POGZ: variants seen among roughly 807,000 people sequenced by gnomAD.
POGZ encodes the protein pogo transposable element with ZNF domain.
Under a neutral mutation model 134.6 loss-of-function variants are expected in POGZ, and 17 were observed. The ratio of observed to expected loss-of-function variants is 0.13; its 90% confidence interval spans 0.09 to 0.19. The LOEUF (loss-of-function observed/expected upper bound fraction) is 0.19. POGZ is among the 10% of genes least tolerant of loss of function. The probability of loss-of-function intolerance (pLI) is 1.00; values close to 1 mark genes in which losing one functional copy is unlikely to be tolerated. For missense variants in POGZ, 1,306 were observed against 1,769.7 expected (o/e 0.74, Z 4.70); for synonymous variants, 693 against 657.1 (o/e 1.05, Z -0.84).
In POGZ at chr1:151,449,312, G is replaced by A. The variant is rs527970543; in HGVS notation, c.-1-7107C>T. 3.9e-5 allele frequency among the ~76,000 whole-genome samples: 6 copies of A among 152,234 alleles called. No homozygotes were observed. The South Asian group carries it at 6.2e-4, about 16-fold the overall frequency. On this transcript the variant is annotated intron_variant, in intron 1 of 18. Transcript: ENST00000271715. ...GACAGTGAATTTTATCAGAGGTCAC[G>A]TTTGCCCCCCAGAGGGCATTTGGCA...
rs2102370664 is a variant in POGZ, at chr1:151,442,119, A to G, written c.86T>C (p.Val29Ala). 1 of 1,606,788 alleles carries G rather than the reference A, an allele frequency of 6.2e-7. No homozygotes were observed. The highest frequency in any genetic ancestry group is 8.5e-7 in the Non-Finnish European group (1 of 1,173,330). The change falls in exon 2 of 19, where the codon GTA becomes GCA. Residue 29 changes from valine (V) to alanine (A), a missense_variant. Physicochemically the swap from Val to Ala is moderately conservative, Grantham distance 64. Transcript: ENST00000271715. Reference sequence around the variant, plus strand: ...ATCCACTGAATTATAATCTTCAACTACAGAGTCCTCAATGACATCACTGAT... The same window carrying G: ...ATCCACTGAATTATAATCTTCAACTGCAGAGTCCTCAATGACATCACTGAT... Reference protein sequence around the residue: ...QKISDVIEDSVVEDYNSVDKT... With the variant: ...QKISDVIEDSAVEDYNSVDKT...
chr1:151,447,033 T>G (rs1324980970), intron 1 of POGZ, among the ~76,000 whole-genome samples: 1 of 152,126 alleles, frequency 6.6e-6, no homozygotes, highest in Admixed American at 6.5e-5. Flanking sequence ...AAACATCATA[T>G]TCATAAATAT....
chr1:151,429,711 C>G lies in POGZ; in HGVS notation c.460G>C (p.Gly154Arg). ...ASQPIFITTQ[G>R]FPVRNVRPVQ... ...GGCCGGACATTCCTTACAGGAAATCCCTGTATTAAAAAGCAAAATGATCTT... is the reference window on the plus strand; with the variant it reads ...GGCCGGACATTCCTTACAGGAAATCGCTGTATTAAAAAGCAAAATGATCTT... The change falls in exon 5 of 19, where the codon GGA becomes CGA. Residue 154 changes from glycine to arginine, a missense_variant and splice_region_variant. By Grantham distance (125) the Gly-to-Arg change is moderately radical. Transcript: ENST00000271715. The G allele has an allele frequency of 6.3e-7, 1 of 1,599,348 alleles. No individual in the cohort carries two copies. The highest frequency in any genetic ancestry group is 1.1e-5 in the South Asian group (1 of 90,528).
intron 1 of POGZ, among the ~76,000 whole-genome samples, chr1:151,445,240 G>C (rs1321665391): frequency 6.6e-6 from 1 of 152,012 alleles, no homozygotes; most frequent in African/African-American, 2.4e-5. Flanking sequence ...AATCCAACTT[G>C]GCTGGACACA....
At chr1:151,442,388 A>C in intron 1 of POGZ, 183 bp from the exon 2 acceptor site, 1 of 448,258 alleles carries the variant, frequency 2.2e-6, no homozygotes, top group Non-Finnish European at 3.9e-6. Context: ...TGAATATTAG[A>C]ATCCATTCCA....
In POGZ at chr1:151,424,997, A is replaced by G. The variant is rs1657531214; in HGVS notation, c.1143T>C (p.Asn381=). Residue 381 remains asparagine (N), a synonymous_variant, in exon 8 of 19, where the codon AAT becomes AAC. Transcript: ENST00000271715. Reference sequence around the variant, plus strand: ...AAGCTTCAGTAACACGAAATTGAGCATTACATCGTGGACATATTTTCCGTC... The same window carrying G: ...AAGCTTCAGTAACACGAAATTGAGCGTTACATCGTGGACATATTTTCCGTC... ...DGGRKICPRC[N]AQFRVTEALR... is the part of the protein sequence containing the mutation. 1 of 1,599,210 alleles carries G rather than the reference A, an allele frequency of 6.3e-7. No homozygotes were observed. The highest frequency in any genetic ancestry group is 8.5e-7 in the Non-Finnish European group (1 of 1,169,936).
Position 151,404,135 on chromosome 1 carries a change from A to C in POGZ, c.*667T>G. ...CATGCATTTTTAAAGCCACAATTTT[A>C]TATCTAGGGTTGCTGTAGAAACCAA... On this transcript the variant is annotated 3_prime_UTR_variant, in exon 19 of 19. Transcript: ENST00000271715. 1.0e-6 allele frequency: 1 copy of C among 985,538 alleles called. No individual in the cohort carries two copies. The highest frequency in any genetic ancestry group is 1.2e-6 in the Non-Finnish European group (1 of 829,758). 61.0% of individuals were successfully genotyped at this position (985,538 alleles called of 1,614,324 possible).
Position 151,408,718 on chromosome 1 carries a change from CAGCTGCT to C in POGZ, c.2030_2036del (p.Lys677ArgfsTer4), listed in dbSNP as rs1327298467. 6.2e-7 allele frequency: 1 copy of C among 1,614,038 alleles called. No individual in the cohort carries two copies. Among genetic ancestry groups the C allele is most frequent in the East Asian group, 2.2e-5 (1 of 44,884 alleles). ...CCTTGGTGCCTGGTTTCAAGCCCTC[CAGCTGCT>C]TGGGTTTACGGAAGGTTTTATGGTG... On this transcript the variant is annotated frameshift_variant, in exon 13 of 19. Coordinates refer to ENST00000271715, the MANE Select transcript of POGZ (RefSeq NM_015100.4). LOFTEE classifies it high-confidence loss of function.
chr1:151,457,110 G>A (rs1239408419), intron 1 of POGZ, among the ~76,000 whole-genome samples: 1 of 152,186 alleles, frequency 6.6e-6, no homozygotes, highest in African/African-American at 2.4e-5. Context: ...TGGGTCATCT[G>A]TCCACACTTT....
intron 3 of POGZ, among the ~76,000 whole-genome samples, chr1:151,438,546 A>C (rs1660005593): frequency 6.6e-6 from 1 of 152,144 alleles, no homozygotes; most frequent in Admixed American, 6.6e-5. Context: ...ACATTCAAGG[A>C]GTCAAGGAGA....
chr1:151,422,790 C>A (rs903809793), intron 10 of POGZ, among the ~76,000 whole-genome samples: 1 of 152,164 alleles, frequency 6.6e-6, no homozygotes, highest in African/African-American at 2.4e-5. Flanking sequence ...TGGGGCTTCG[C>A]CATGTTGGCC....
intron 1 of POGZ, among the ~76,000 whole-genome samples, chr1:151,457,913 G>C (rs1180617400): frequency 7.0e-6 from 1 of 143,704 alleles, no homozygotes; most frequent in Non-Finnish European, 1.5e-5. Flanking sequence ...GGCGACAAGA[G>C]TGAAACTTCG....
intron 1 of POGZ, among the ~76,000 whole-genome samples, chr1:151,448,208 G>A (rs1327580099): frequency 6.6e-6 from 1 of 152,092 alleles, no homozygotes; most frequent in Non-Finnish European, 1.5e-5. Flanking sequence ...TACTTGAAAT[G>A]TTTGTCTTAT....
At chr1:151,442,918 A>G (rs940486384) in intron 1 of POGZ, among the ~76,000 whole-genome samples, 2 of 151,560 alleles carry the variant, frequency 1.3e-5, no homozygotes, top group Non-Finnish European at 2.9e-5. Flanking sequence ...AATCCCAGCT[A>G]CTTGGGAGGC....
rs747855562 is a variant in POGZ, at chr1:151,407,166, T to A, written c.2432+69A>T. 1.7e-4 allele frequency: 226 copies of A among 1,321,828 alleles called. 1 individual carries two copies. Among genetic ancestry groups the A allele is most frequent in the Admixed American group, 7.4e-4 (38 of 51,082 alleles). The allele number at this position is 1,321,828 out of a possible 1,614,324, so 81.9% of individuals were successfully genotyped here. A position where few individuals can be genotyped will look rare whatever the true frequency, so the allele number is the denominator to read the frequency against. On this transcript the variant is annotated intron_variant, in intron 16 of 18. Transcript: ENST00000271715. Reference sequence around the variant, plus strand: ...TAATTCACATAACCACCTCTCCAAATAATGAAAAACCTGAAAATTAATGTA... The same window carrying A: ...TAATTCACATAACCACCTCTCCAAAAAATGAAAAACCTGAAAATTAATGTA...
chr1:151,446,365 G>C (rs1187273903), intron 1 of POGZ, among the ~76,000 whole-genome samples: 1 of 151,644 alleles, frequency 6.6e-6, no homozygotes, highest in Non-Finnish European at 1.5e-5. Context: ...AATCCTTAAG[G>C]GGCATTTTAA....
intron 10 of POGZ, among the ~76,000 whole-genome samples, chr1:151,415,179 C>A (rs1350439653): frequency 1.3e-5 from 2 of 152,192 alleles, no homozygotes; most frequent in African/African-American, 2.4e-5. Flanking sequence ...TTCCCCAACC[C>A]CGACAGGCTC....
chr1:151,430,842 C>A lies in POGZ; in HGVS notation c.284-1G>T. The A allele has an allele frequency of 1.9e-6, 3 of 1,546,620 alleles. No individual in the cohort carries two copies. The highest frequency in any genetic ancestry group is 1.2e-5 in the South Asian group (1 of 80,490). On this transcript the variant is annotated splice_acceptor_variant, in intron 3 of 18. Transcript: ENST00000271715. LOFTEE classifies it high-confidence loss of function. Reference sequence around the variant, plus strand: ...CCTTGCTGGACCAAAGGATTGCCAGCTAAAGGGTAAAGGAAGAAAAAAAAA... The same window carrying A: ...CCTTGCTGGACCAAAGGATTGCCAGATAAAGGGTAAAGGAAGAAAAAAAAA...
At chr1:151,418,549 C>T (rs1656205368) in intron 10 of POGZ, among the ~76,000 whole-genome samples, 1 of 152,096 alleles carries the variant, frequency 6.6e-6, no homozygotes, top group Non-Finnish European at 1.5e-5. Context: ...TTACAATAAC[C>T]TGTTGTAAAT....
Sources: allele counts gnomAD v4.1 joint callset (sites outside exome capture counted in the v4.1 genomes callset), GRCh38; gene constraint gnomAD v4.1.1; transcripts MANE v1.5; gene names NCBI Gene and HGNC (gene_info 2026-07-23, HGNC 2026-07-21).